Variants in ST3GAL4 observed in about 807,000 individuals in gnomAD.
The protein encoded by ST3GAL4 is CMP-N-acetylneuraminate-beta-galactosamide-alpha-2,3-sialyltransferase 4.
ST3GAL4 carries 24 observed loss-of-function variants against 42.6 expected under a neutral mutation model. The ratio of observed to expected loss-of-function variants is 0.56; its 90% CI spans 0.41 to 0.79. The LOEUF (loss-of-function observed/expected upper bound fraction) is 0.79. Among genes scored for constraint, ST3GAL4 ranks in the 30% least tolerant of loss-of-function variants. The pLI is 0.00. For missense variants in ST3GAL4, 311 were observed against 430.8 expected (o/e 0.72, Z 2.46); for synonymous variants, 135 against 163.2 (o/e 0.83, Z 1.32).
intron 8 of ST3GAL4, 166 bp downstream of exon 8, chr11:126,408,662 G>A: frequency 1.2e-6 from 1 of 808,340 alleles, no homozygotes; most frequent in Non-Finnish European, 1.9e-6. Flanking sequence ...TCCAAGGGTG[G>A]TGCTCTGATA....
chr11:126,357,427 CTTTAG>C lies in ST3GAL4; in HGVS notation c.-61+1586_-61+1590del, dbSNP rs1952108642. 2.0e-5 allele frequency among the ~76,000 whole-genome samples: 3 copies of C among 152,224 alleles called. No homozygotes were observed. In the South Asian group the frequency reaches 6.2e-4, roughly 32 times the overall value. On this transcript the variant is annotated intron_variant, in intron 1 of 10. Coordinates refer to ENST00000444328, the MANE Select transcript of ST3GAL4 (RefSeq NM_001254757.2). The stretch of plus-strand genomic sequence containing the variant: ...CTTGGACTTTGGGCAGAGTGGGTGT[CTTTAG>C]CTTGGGGATGGGTTGTTGTTCAGAG...
intron 9 of ST3GAL4, among the ~76,000 whole-genome samples, chr11:126,412,217 T>C (rs1954562867): frequency 6.6e-6 from 1 of 152,038 alleles, no homozygotes; most frequent in South Asian, 2.1e-4. Flanking sequence ...CATGGAAGTG[T>C]GGCTCAGCCC....
In ST3GAL4 at chr11:126,408,577, C is replaced by T. The variant is rs569453612; in HGVS notation, c.627+81C>T. 2,038 of 1,512,334 alleles carry T rather than the reference C, an allele frequency of 1.3e-3. 1 individual carries two copies. The highest frequency in any genetic ancestry group is 4.5e-3 in the African/African-American group (330 of 73,138). 93.7% of individuals were successfully genotyped at this position (1,512,334 alleles called of 1,614,324 possible). A position where few individuals can be genotyped will look rare whatever the true frequency, so the allele number is the denominator to read the frequency against. ...TCAGGACCTCACGCTCCTTGATGTC[C>T]GCCTGGCAGTCCTAAAGAGGCTGTG... On this transcript the variant is annotated intron_variant, in intron 8 of 10. Transcript: ENST00000444328.
At chr11:126,387,559 C>T (rs1402535297) in intron 1 of ST3GAL4, among the ~76,000 whole-genome samples, 1 of 151,798 alleles carries the variant, frequency 6.6e-6, no homozygotes, top group Non-Finnish European at 1.5e-5. Context: ...TGCGTGTGGT[C>T]GCAGCCACTG....
rs1237569156 is a variant in ST3GAL4, at chr11:126,398,131, T to G, written c.-60-7965T>G. Among the ~76,000 whole-genome samples, 1 of 152,234 alleles carries G rather than the reference T, an allele frequency of 6.6e-6. No homozygotes were observed. Among genetic ancestry groups the G allele is most frequent in the Non-Finnish European group, 1.5e-5 (1 of 68,038 alleles). ...AGTCCACAGTCTCATCTAAGTCAGCTGTGGGTAAAACTCAAGGTATGGTTC... is the reference window on the plus strand; with the variant it reads ...AGTCCACAGTCTCATCTAAGTCAGCGGTGGGTAAAACTCAAGGTATGGTTC... On this transcript the variant is annotated intron_variant, in intron 1 of 10. Transcript: ENST00000444328. This position sits in a 1 kb window ranked among gnomAD's most constrained non-coding sequence, Gnocchi z 4.7.
Position 126,400,758 on chromosome 11 carries a change from G to A in ST3GAL4, c.-60-5338G>A, listed in dbSNP as rs1402086004. 6.6e-6 allele frequency among the ~76,000 whole-genome samples: 1 copy of A among 152,186 alleles called. No homozygotes were observed. The highest frequency in any genetic ancestry group is 1.9e-4 in the East Asian group (1 of 5,194). On this transcript the variant is annotated intron_variant, in intron 1 of 10. Coordinates refer to ENST00000444328, the MANE Select transcript of ST3GAL4 (RefSeq NM_001254757.2). This position sits in a 1 kb window ranked among gnomAD's most constrained non-coding sequence, Gnocchi z 4.6. ...CCAGTTAGGAAGCCTGTAACTTGGG[G>A]TGGGATCTGGAACCAGGCTGTGGCT...
intron 1 of ST3GAL4, among the ~76,000 whole-genome samples, chr11:126,394,052 A>C (rs77951192): frequency 0.083 from 12,621 of 152,298 alleles, 611 homozygotes; most frequent in Middle Eastern, 0.16. Flanking sequence ...TGGGGTGACC[A>C]AGTGGGATGT....
In ST3GAL4 at chr11:126,362,193, C is replaced by CTTTT. The variant is rs763280766; in HGVS notation, c.-61+6370_-61+6373dup. 8.9e-4 allele frequency among the ~76,000 whole-genome samples: 106 copies of CTTTT among 119,074 alleles called. 1 individual carries two copies. Among genetic ancestry groups the CTTTT allele is most frequent in the African/African-American group, 3.3e-3 (100 of 30,254 alleles). 78.1% of individuals were successfully genotyped at this position (119,074 alleles called of 152,430 possible). A position where few individuals can be genotyped will look rare whatever the true frequency, so the allele number is the denominator to read the frequency against. ...CACCGTGTCTGGCCAACATTTCTTC[C>CTTTT]TTTTTTTTTTTTTTTTTTTTTTAAG... On this transcript the variant is annotated intron_variant, in intron 1 of 10. Coordinates refer to ENST00000444328, the MANE Select transcript of ST3GAL4 (RefSeq NM_001254757.2).
chr11:126,409,240 T>C lies in ST3GAL4; in HGVS notation c.628-28T>C, dbSNP rs1351181223. On this transcript the variant is annotated intron_variant, in intron 8 of 10. Transcript: ENST00000444328. This position sits in a 1 kb window ranked among gnomAD's most constrained non-coding sequence, Gnocchi z 4.9. Reference sequence around the variant, plus strand: ...AGAAACAGGGCTTCACCCGCTTCTGTCTCTCTCTTCTGACCCCATCCTCCT... The same window carrying C: ...AGAAACAGGGCTTCACCCGCTTCTGCCTCTCTCTTCTGACCCCATCCTCCT... 2.5e-6 allele frequency: 4 copies of C among 1,608,812 alleles called. No individual in the cohort carries two copies. In the South Asian group the frequency reaches 4.4e-5, roughly 18 times the overall value.
In ST3GAL4 at chr11:126,406,589, T is replaced by A; in HGVS notation, c.101+32T>A. On this transcript the variant is annotated intron_variant, in intron 3 of 10. Coordinates refer to ENST00000444328, the MANE Select transcript of ST3GAL4 (RefSeq NM_001254757.2). The surrounding 1 kb of genome is among the most constrained non-coding windows in gnomAD (Gnocchi z 5.4). Reference sequence around the variant, plus strand: ...TCACCTTCCATGTCCTTCCAGTGGCTCTTGTCAGGGACAGGGCTTAGGGAT... The same window carrying A: ...TCACCTTCCATGTCCTTCCAGTGGCACTTGTCAGGGACAGGGCTTAGGGAT... The A allele has an allele frequency of 6.2e-7, 1 of 1,613,990 alleles. No homozygotes were observed. The highest frequency in any genetic ancestry group is 8.5e-7 in the Non-Finnish European group (1 of 1,179,958).
chr11:126,365,779 G>C (rs1952401880), intron 1 of ST3GAL4, among the ~76,000 whole-genome samples: 1 of 152,206 alleles, frequency 6.6e-6, no homozygotes, highest in African/African-American at 2.4e-5. Context: ...TGAGAGGACA[G>C]TCCCTGTCAC....
At chr11:126,374,057 G>A (rs11220462) in intron 1 of ST3GAL4, among the ~76,000 whole-genome samples, 18,867 of 151,982 alleles carry the variant, frequency 0.12, 1,540 homozygotes, top group East Asian at 0.35. Flanking sequence ...GGGTAATACA[G>A]CAGCAAGCAA....
rs1565392193 is a variant in ST3GAL4, at chr11:126,363,438, C to T, written c.-61+7596C>T. ...TGGCTGGGTTGGGTTGCCTGGAGGC[C>T]GGGAATGTTCAGGAGAGCCTTCATT... On this transcript the variant is annotated intron_variant, in intron 1 of 10. Coordinates refer to ENST00000444328, the MANE Select transcript of ST3GAL4 (RefSeq NM_001254757.2). This position sits in a 1 kb window ranked among gnomAD's most constrained non-coding sequence, Gnocchi z 4.6. Among the ~76,000 whole-genome samples, 1 of 152,096 alleles carries T rather than the reference C, an allele frequency of 6.6e-6. No individual in the cohort carries two copies. The highest frequency in any genetic ancestry group is 1.5e-5 in the Non-Finnish European group (1 of 68,018).
Position 126,378,413 on chromosome 11 carries a change from G to A in ST3GAL4, c.-61+22571G>A, listed in dbSNP as rs1952894934. Among the ~76,000 whole-genome samples, 1 of 152,072 alleles carries A rather than the reference G, an allele frequency of 6.6e-6. No individual in the cohort carries two copies. The highest frequency in any genetic ancestry group is 2.4e-5 in the African/African-American group (1 of 41,404). On this transcript the variant is annotated intron_variant, in intron 1 of 10. Coordinates refer to ENST00000444328, the MANE Select transcript of ST3GAL4 (RefSeq NM_001254757.2). This position sits in a 1 kb window ranked among gnomAD's most constrained non-coding sequence, Gnocchi z 5.3. ...TGCCATCATCAATTAGGGATGATTG[G>A]TTTTCTTTTTATTTGAGACGGAGTC...
intron 1 of ST3GAL4, among the ~76,000 whole-genome samples, chr11:126,404,552 T>G (rs1954144620): frequency 6.6e-6 from 1 of 152,212 alleles, no homozygotes; most frequent in South Asian, 2.1e-4. Flanking sequence ...GAGGGCCATG[T>G]GTAGGGAACG....
chr11:126,367,774 G>T (rs1455082585), intron 1 of ST3GAL4, among the ~76,000 whole-genome samples: 2 of 152,162 alleles, frequency 1.3e-5, no homozygotes, highest in Admixed American at 1.3e-4. Flanking sequence ...TAATGTATTT[G>T]CTCTGTGCCT....
At chr11:126,389,220 T>C (rs753243342) in intron 1 of ST3GAL4, among the ~76,000 whole-genome samples, 6 of 152,232 alleles carry the variant, frequency 3.9e-5, no homozygotes, top group Non-Finnish European at 7.3e-5. Flanking sequence ...ATTTCTTCAC[T>C]ATCTCTATTA....
At position 126,408,325 on chromosome 11, in the gene ST3GAL4, G is replaced by A; in HGVS notation, c.456G>A (p.Val152=). The A allele has an allele frequency of 1.2e-6, 2 of 1,614,172 alleles. No homozygotes were observed. The highest frequency in any genetic ancestry group is 8.5e-7 in the Non-Finnish European group (1 of 1,180,014). Reference sequence around the variant, plus strand: ...CCCCCAGATTGAACAATGCCCCAGTGGCTGGCTATGAGGGTGACGTGGGCT... The same window carrying A: ...CCCCCAGATTGAACAATGCCCCAGTAGCTGGCTATGAGGGTGACGTGGGCT... The part of the protein sequence containing the change: ...DVVIRLNNAP[V]AGYEGDVGSK... The change falls in exon 8 of 11, where the codon GTG becomes GTA. Residue 152 remains valine (V), a synonymous_variant. Transcript: ENST00000444328.
At chr11:126,405,793 G>A (rs1954201230) in intron 1 of ST3GAL4, 1 of 374,548 alleles carries the variant, frequency 2.7e-6, no homozygotes, top group South Asian at 3.4e-5. Flanking sequence ...AGAAGGAGAT[G>A]GTGAGAAGAA....
Sources: allele counts gnomAD v4.1 joint callset (sites outside exome capture counted in the v4.1 genomes callset), GRCh38; gene constraint gnomAD v4.1.1; non-coding constraint Gnocchi (gnomAD v3.1); transcripts MANE v1.5; gene names NCBI Gene and HGNC (gene_info 2026-07-23, HGNC 2026-07-21).